Variants in PCDH15 observed in about 807,000 individuals in gnomAD.
PCDH15 encodes the protein protocadherin-15.
PCDH15 carries 129 observed loss-of-function variants against 178.5 expected under a neutral mutation model. The ratio of observed to expected loss-of-function variants is 0.72; its 90% CI spans 0.63 to 0.84. PCDH15 has a LOEUF of 0.84. Among genes scored for constraint, PCDH15 ranks in the 40% least tolerant of loss-of-function variants. PCDH15 has a pLI of 0.00. For missense variants in PCDH15, 2,230 were observed against 2,099.9 expected, an observed-to-expected ratio of 1.06 and a Z score of -1.21; for synonymous variants, 800 against 732.0, an observed-to-expected ratio of 1.09 and a Z score of -1.50.
At chr10:54,373,000 T>C (rs1381471368) in intron 4 of PCDH15, among the ~76,000 whole-genome samples, 1 of 151,730 alleles carries the variant, frequency 6.6e-6, no homozygotes, top group Non-Finnish European at 1.5e-5. Context: ...AATGTAAAAA[T>C]TTTGTAACTC....
chr10:54,852,889 T>TAAAATAAAA (rs1953650024), intron 3 of PCDH15, among the ~76,000 whole-genome samples: 7 of 109,772 alleles, frequency 6.4e-5, no homozygotes, highest in Admixed American at 2.0e-4. Context: ...ATAAAATAAA[T>TAAAATAAAA]TAAAATAAAA....
intron 23 of PCDH15, among the ~76,000 whole-genome samples, chr10:53,946,466 C>T (rs999950394): frequency 6.6e-6 from 1 of 152,212 alleles, no homozygotes. Flanking sequence ...TAGAATGTCA[C>T]ATGGATGAAA....
intron 2 of PCDH15, among the ~76,000 whole-genome samples, chr10:54,641,932 G>A (rs779203200): frequency 1.3e-5 from 2 of 151,018 alleles, no homozygotes; most frequent in Non-Finnish European, 2.9e-5. Context: ...TATTATCATT[G>A]GCTAACAAAC....
chr10:54,771,556 T>A (rs1053247441), intron 1 of PCDH15, among the ~76,000 whole-genome samples: 4 of 152,098 alleles, frequency 2.6e-5, no homozygotes, highest in African/African-American at 4.8e-5. Context: ...GTACATTTTA[T>A]CATTAGGCTT....
chr10:54,741,722 G>T (rs981885634), intron 1 of PCDH15, among the ~76,000 whole-genome samples: 1 of 151,878 alleles, frequency 6.6e-6, no homozygotes, highest in Non-Finnish European at 1.5e-5. Flanking sequence ...ATGGCTCATG[G>T]CCCCCTTCTA....
chr10:55,241,287 T>A (rs1841536054), intron 1 of PCDH15, among the ~76,000 whole-genome samples: 1 of 152,312 alleles, frequency 6.6e-6, no homozygotes, highest in Non-Finnish European at 1.5e-5. Context: ...TAAAATTTTC[T>A]CATTTATTAC....
intron 8 of PCDH15, among the ~76,000 whole-genome samples, chr10:54,291,653 C>T (rs2059416101): frequency 6.6e-6 from 1 of 152,080 alleles, no homozygotes; most frequent in African/African-American, 2.4e-5. Context: ...CCACAGATCC[C>T]ACAGAAACAC....
chr10:53,877,070 A>T (rs78648276), intron 26 of PCDH15, among the ~76,000 whole-genome samples: 2,123 of 152,236 alleles, frequency 0.014, 56 homozygotes, highest in African/African-American at 0.048. Context: ...AAAAAATTAT[A>T]TGGTAAATTC....
chr10:54,232,047 CATG>C (rs1315777445), intron 9 of PCDH15, among the ~76,000 whole-genome samples: 1 of 151,718 alleles, frequency 6.6e-6, no homozygotes, highest in African/African-American at 2.4e-5. Context: ...GTGAGAATGA[CATG>C]AGATTTCAGA....
rs56104592 is a variant in PCDH15 at position 55,328,913 on chromosome 10, C to CATATATATAT, written c.-155-162272_-155-162263dup. ...AGATGACTGTATATTTTCACACAAA[C>CATATATATAT]ATATATATATATATATATATATATA... On this transcript the variant is annotated intron_variant, in intron 2 of 5. Transcript: ENST00000613346. Among the ~76,000 whole-genome samples, 490 of 111,236 alleles carry CATATATATAT rather than the reference C, an allele frequency of 4.4e-3. 2 individuals are homozygous for CATATATATAT. The highest frequency in any genetic ancestry group is 5.7e-3 in the Middle Eastern group (1 of 174). The allele number at this position is 111,236 out of a possible 152,430, so 73.0% of individuals were successfully genotyped here. A position where few individuals can be genotyped will look rare whatever the true frequency, so the allele number is the denominator to read the frequency against.
At chr10:55,534,903 G>A (rs2132067655) in intron 2 of PCDH15, among the ~76,000 whole-genome samples, 1 of 152,148 alleles carries the variant, frequency 6.6e-6, no homozygotes, top group East Asian at 1.9e-4. Flanking sequence ...ATAAAATCAT[G>A]TCCTTCACAG....
intron 34 of PCDH15, among the ~76,000 whole-genome samples, chr10:53,816,486 T>C (rs2076063536): frequency 6.6e-6 from 1 of 152,210 alleles, no homozygotes; most frequent in African/African-American, 2.4e-5. Context: ...ATTTGTTATG[T>C]TTTAATTTCA....
intron 2 of PCDH15, among the ~76,000 whole-genome samples, chr10:55,529,543 A>G (rs1182228064): frequency 6.6e-6 from 1 of 151,498 alleles, no homozygotes; most frequent in Non-Finnish European, 1.5e-5. Context: ...ATTAAATTAC[A>G]GTTTATTTAC....
chr10:54,227,158 T>C (rs2053546639), intron 9 of PCDH15, among the ~76,000 whole-genome samples: 1 of 152,188 alleles, frequency 6.6e-6, no homozygotes, highest in Non-Finnish European at 1.5e-5. Flanking sequence ...GTGTGGGGGC[T>C]CTGACCCCAA....
At chr10:54,380,825 T>A (rs891581889) in intron 3 of PCDH15, among the ~76,000 whole-genome samples, 1 of 148,426 alleles carries the variant, frequency 6.7e-6, no homozygotes, top group African/African-American at 2.5e-5. Flanking sequence ...TATAACCAGA[T>A]AAAGTTTTAA....
chr10:55,416,092 T>G (rs1838476758), intron 2 of PCDH15, among the ~76,000 whole-genome samples: 1 of 151,516 alleles, frequency 6.6e-6, no homozygotes, highest in Non-Finnish European at 1.5e-5. Context: ...ACTTGACATC[T>G]TGACTCCCAA....
chr10:54,737,406 T>G (rs1944258631), intron 1 of PCDH15, among the ~76,000 whole-genome samples: 1 of 152,074 alleles, frequency 6.6e-6, no homozygotes, highest in Non-Finnish European at 1.5e-5. Context: ...TAAATAAGAT[T>G]TCTAAGAATG....
At chr10:54,687,314 CAA>C (rs1395400026) in intron 1 of PCDH15, among the ~76,000 whole-genome samples, 1 of 151,912 alleles carries the variant, frequency 6.6e-6, no homozygotes, top group Non-Finnish European at 1.5e-5. Context: ...GGCATTTATC[CAA>C]AAGAATCAAA....
chr10:54,409,993 A>T (rs1463315567), intron 3 of PCDH15, among the ~76,000 whole-genome samples: 1 of 152,180 alleles, frequency 6.6e-6, no homozygotes, highest in Non-Finnish European at 1.5e-5. Context: ...CCCAGTCCAC[A>T]GTATTCTGTT....
Sources: gnomAD v4.1 joint callset for allele counts (sites outside exome capture counted in the v4.1 genomes callset) on GRCh38, gnomAD v4.1.1 for gene constraint, MANE v1.5 for transcripts, NCBI Gene and HGNC (gene_info 2026-07-23, HGNC 2026-07-21) for gene names.